The following DMRT1 variants were observed in gnomAD, a reference collection of about 807,000 sequenced individuals.
The protein encoded by DMRT1 is doublesex- and mab-3-related transcription factor 1.
DMRT1 carries 7 observed loss-of-function variants against 32.3 expected under a neutral mutation model. The ratio of observed to expected loss-of-function variants is 0.22; its 90% CI spans 0.12 to 0.41. The LOEUF is 0.41. Among genes scored for constraint, DMRT1 ranks in the 10% least tolerant of loss-of-function variants. DMRT1 has a pLI of 1.00. For synonymous variants in DMRT1, 278 were observed against 206.1 expected, an observed-to-expected ratio of 1.35 and a Z score of -2.99; for missense variants, 625 against 500.5, an observed-to-expected ratio of 1.25 and a Z score of -2.37.
At chr9:889,149 T>C (rs1174428527) in intron 2 of DMRT1, among the ~76,000 whole-genome samples, 4 of 152,176 alleles carry the variant, frequency 2.6e-5, no homozygotes. Context: ...ATTAGACACA[T>C]GTAGCTTGAC....
rs138953884 is a variant in DMRT1, at chr9:869,005, T to C, written c.538+21862T>C. Among the ~76,000 whole-genome samples, 3 of 152,222 alleles carry C rather than the reference T, an allele frequency of 2.0e-5. No individual in the cohort carries two copies. In the East Asian group the frequency reaches 5.8e-4, roughly 29 times the overall value. On this transcript the variant is annotated intron_variant, in intron 2 of 4. Coordinates refer to ENST00000382276, the MANE Select transcript of DMRT1 (RefSeq NM_021951.3). ...CAGCCTGGGTGACAGAGTGAGACAC[T>C]ATCTGAAAAAATAATAATAATAAAA...
chr9:921,672 G>A (rs1818358771), intron 4 of DMRT1, among the ~76,000 whole-genome samples: 1 of 152,084 alleles, frequency 6.6e-6, no homozygotes, highest in African/African-American at 2.4e-5. Flanking sequence ...TAAAAAAACA[G>A]TTTCCAGCCT....
chr9:894,614 G>T, intron 3 of DMRT1: 1 of 297,228 alleles, frequency 3.4e-6, no homozygotes, highest in Non-Finnish European at 6.5e-6. Flanking sequence ...AGAAAATGCT[G>T]GGTAAAGCCT....
At chr9:911,297 C>G (rs550600638) in intron 3 of DMRT1, among the ~76,000 whole-genome samples, 92 of 152,116 alleles carry the variant, frequency 6.0e-4, no homozygotes, top group Non-Finnish European at 1.1e-3. Context: ...CAGACTGCCC[C>G]TAGTTCAGAA....
chr9:934,044 A>G (rs1818809165), intron 4 of DMRT1, among the ~76,000 whole-genome samples: 2 of 151,186 alleles, frequency 1.3e-5, no homozygotes, highest in African/African-American at 4.8e-5. Context: ...AAAGATGATG[A>G]AAGTGAGTAA....
intron 1 of DMRT1, among the ~76,000 whole-genome samples, chr9:845,648 C>T (rs1477225664): frequency 6.6e-6 from 1 of 152,156 alleles, no homozygotes; most frequent in Admixed American, 6.6e-5. Flanking sequence ...CCCTTCCTCC[C>T]TGCCTTCAGC....
chr9:916,840 G>A lies in DMRT1; in HGVS notation c.900G>A (p.Leu300=), dbSNP rs1818200824. The part of the protein sequence containing the change: ...MHSYYPPPSY[L]GQSVPQFFTF... ...CTTACTACCCGCCTCCCTCTTACCT[G>A]GGCCAGAGCGTGCCCCAGTTCTTCA... is the stretch of plus-strand genomic sequence containing the variant. Residue 300 remains leucine (L), a synonymous_variant, in exon 4 of 5, where the codon CTG becomes CTA. Coordinates refer to ENST00000382276, the MANE Select transcript of DMRT1 (RefSeq NM_021951.3). The A allele has an allele frequency of 1.2e-6, 2 of 1,614,042 alleles. No homozygotes were observed. Among genetic ancestry groups the A allele is most frequent in the South Asian group, 1.1e-5 (1 of 91,076 alleles).
chr9:844,020 G>C (rs1390113810), intron 1 of DMRT1, among the ~76,000 whole-genome samples: 2 of 152,070 alleles, frequency 1.3e-5, no homozygotes, highest in Non-Finnish European at 2.9e-5. Flanking sequence ...TTATACTCTG[G>C]GCAGAAAAAT....
intron 2 of DMRT1, among the ~76,000 whole-genome samples, chr9:856,029 G>A (rs1003936425): frequency 2.0e-5 from 3 of 152,040 alleles, no homozygotes; most frequent in African/African-American, 7.3e-5. Flanking sequence ...CGATTCTCCT[G>A]CTTCAGCCTT....
At chr9:857,658 G>A (rs1326993251) in intron 2 of DMRT1, among the ~76,000 whole-genome samples, 1 of 151,698 alleles carries the variant, frequency 6.6e-6, no homozygotes, top group East Asian at 1.9e-4. Context: ...TAAGTTTTAG[G>A]GTACATGTGC....
intron 4 of DMRT1, among the ~76,000 whole-genome samples, chr9:939,502 A>G (rs1178555841): frequency 6.6e-6 from 1 of 152,162 alleles, no homozygotes; most frequent in Non-Finnish European, 1.5e-5. Flanking sequence ...ACTTCCCCAC[A>G]CATGCTGAAA....
At chr9:952,173 C>T (rs573340580) in intron 4 of DMRT1, among the ~76,000 whole-genome samples, 1 of 152,318 alleles carries the variant, frequency 6.6e-6, no homozygotes, top group South Asian at 2.1e-4. Context: ...GTTTCATTCA[C>T]AGCCATATCC....
intron 4 of DMRT1, among the ~76,000 whole-genome samples, chr9:935,831 C>G (rs1329394924): frequency 6.6e-6 from 1 of 152,164 alleles, no homozygotes; most frequent in Non-Finnish European, 1.5e-5. Flanking sequence ...ATGTTTGTCT[C>G]CAGGAAATGG....
At chr9:923,939 T>C (rs745722600) in intron 4 of DMRT1, among the ~76,000 whole-genome samples, 12 of 152,154 alleles carry the variant, frequency 7.9e-5, no homozygotes, top group Non-Finnish European at 1.5e-4. Flanking sequence ...CAGCTTTAAC[T>C]TGGAACAGAG....
chr9:849,278 C>G (rs1362818713), intron 2 of DMRT1, among the ~76,000 whole-genome samples: 7 of 152,124 alleles, frequency 4.6e-5, no homozygotes, highest in African/African-American at 1.7e-4. Flanking sequence ...AAAATGGACA[C>G]TTAACGATTG....
intron 2 of DMRT1, among the ~76,000 whole-genome samples, chr9:877,013 T>G (rs948034233): frequency 3.9e-5 from 6 of 152,134 alleles, no homozygotes; most frequent in Non-Finnish European, 7.4e-5. Flanking sequence ...CCACTTCCAG[T>G]TACATGTGTG....
At chr9:894,769 C>T (rs924021685) in intron 3 of DMRT1, 1 of 162,568 alleles carries the variant, frequency 6.2e-6, no homozygotes, top group Non-Finnish European at 1.3e-5. Context: ...GAATAGAGGT[C>T]AGTCTTTCAT....
At chr9:898,207 C>T (rs536459320) in intron 3 of DMRT1, among the ~76,000 whole-genome samples, 17 of 152,194 alleles carry the variant, frequency 1.1e-4, no homozygotes, top group African/African-American at 3.9e-4. Context: ...GCAACCTCCA[C>T]CTCCCAGGTT....
At position 882,922 on chromosome 9, in the gene DMRT1, C is replaced by T. The variant is rs1172287956; in HGVS notation, c.539-10990C>T. ...CAGTAGCTGGGATTACAGGTGCCTGCCACCATGCCCGGCTAATTTTTGTAT... is the reference window on the plus strand; with the variant it reads ...CAGTAGCTGGGATTACAGGTGCCTGTCACCATGCCCGGCTAATTTTTGTAT... On this transcript the variant is annotated intron_variant, in intron 2 of 4. Transcript: ENST00000382276. Among the ~76,000 whole-genome samples the T allele has an allele frequency of 2.6e-5, 4 of 151,992 alleles. No homozygotes were observed. The East Asian group carries it at 5.8e-4, about 22-fold the overall frequency.
Sources: gnomAD v4.1 joint callset for allele counts (sites outside exome capture counted in the v4.1 genomes callset) on GRCh38, gnomAD v4.1.1 for gene constraint, MANE v1.5 for transcripts, NCBI Gene and HGNC (gene_info 2026-07-23, HGNC 2026-07-21) for gene names.